UBAP1: variants seen among roughly 807,000 people sequenced by gnomAD.
UBAP1 encodes the protein ubiquitin associated protein 1.
UBAP1 carries 5 observed loss-of-function variants against 39.0 expected under a neutral mutation model. The ratio of observed to expected loss-of-function variants is 0.13; its 90% CI spans 0.07 to 0.27. The LOEUF (loss-of-function observed/expected upper bound fraction) is 0.27, where lower values mean the gene tolerates loss of function less well. Among genes scored for constraint, UBAP1 ranks in the 10% least tolerant of loss-of-function variants. UBAP1 has a pLI of 1.00. For missense variants in UBAP1, 490 were observed against 608.1 expected, an observed-to-expected ratio of 0.81 and a Z score of 2.04; for synonymous variants, 211 against 225.1, an observed-to-expected ratio of 0.94 and a Z score of 0.56.
At chr9:34,237,010 T>G (rs1191882005) in intron 3 of UBAP1, among the ~76,000 whole-genome samples, 2 of 152,128 alleles carry the variant, frequency 1.3e-5, no homozygotes, top group Non-Finnish European at 2.9e-5. Flanking sequence ...ACCTGGAATA[T>G]TCTTTTTCTC....
At chr9:34,207,051 T>TTC (rs1554648143) in intron 1 of UBAP1, among the ~76,000 whole-genome samples, 1 of 141,490 alleles carries the variant, frequency 7.1e-6, no homozygotes, top group East Asian at 2.0e-4. Context: ...GTTATTTCTT[T>TTC]TTTTTTTTTT....
At chr9:34,205,960 C>G (rs1831663848) in intron 1 of UBAP1, among the ~76,000 whole-genome samples, 1 of 152,188 alleles carries the variant, frequency 6.6e-6, no homozygotes, top group Non-Finnish European at 1.5e-5. Context: ...CCACTGCACT[C>G]CAGCCTGGTG....
At chr9:34,187,761 T>C (rs1199666463) in intron 1 of UBAP1, among the ~76,000 whole-genome samples, 2 of 151,756 alleles carry the variant, frequency 1.3e-5, no homozygotes, top group African/African-American at 2.4e-5. Context: ...TCCTATCTTA[T>C]CAAGAATAAT....
Position 34,230,440 on chromosome 9 carries a change from A to T in UBAP1, c.35-3776A>T, listed in dbSNP as rs116552838. ...TGTGCTTATTAGTGTTAAACAAAAG[A>T]CTTAATTGTGTGCTTGTTAACTTGA... On this transcript the variant is annotated intron_variant, in intron 2 of 6. Coordinates refer to ENST00000297661, the MANE Select transcript of UBAP1 (RefSeq NM_016525.5). Among the ~76,000 whole-genome samples, 1,337 of 152,284 alleles carry T rather than the reference A, an allele frequency of 8.8e-3. 25 individuals carry two copies. Among genetic ancestry groups the T allele is most frequent in the African/African-American group, 0.026 (1,080 of 41,538 alleles).
At chr9:34,227,558 A>G (rs2131594608) in intron 2 of UBAP1, among the ~76,000 whole-genome samples, 1 of 152,334 alleles carries the variant, frequency 6.6e-6, no homozygotes, top group East Asian at 1.9e-4. Flanking sequence ...GCAGAATCAT[A>G]GGCATATCAG....
chr9:34,234,170 TAATG>T (rs1319148654), intron 2 of UBAP1, 42 bp from the exon 3 acceptor site: 2 of 1,562,300 alleles, frequency 1.3e-6, no homozygotes, highest in South Asian at 1.2e-5. Context: ...GCAAAACAAA[TAATG>T]AAGTTCTTTG....
chr9:34,190,212 C>T (rs571451071), intron 1 of UBAP1, among the ~76,000 whole-genome samples: 134 of 152,262 alleles, frequency 8.8e-4, no homozygotes, highest in African/African-American at 3.0e-3. Flanking sequence ...AAATCTTAAA[C>T]AAAAATCACG....
At chr9:34,222,621 G>A (rs755646439) in intron 2 of UBAP1, among the ~76,000 whole-genome samples, 2 of 151,880 alleles carry the variant, frequency 1.3e-5, no homozygotes, top group Non-Finnish European at 2.9e-5. Context: ...ATAGTGAGAC[G>A]CTGTCTCTAC....
At chr9:34,248,140 A>G (rs1834274091) in intron 4 of UBAP1, among the ~76,000 whole-genome samples, 1 of 151,416 alleles carries the variant, frequency 6.6e-6, no homozygotes, top group Non-Finnish European at 1.5e-5. Context: ...GGTTCAAGCG[A>G]TTTTCCCACC....
intron 2 of UBAP1, among the ~76,000 whole-genome samples, chr9:34,230,343 C>T (rs1833343483): frequency 6.6e-6 from 1 of 152,276 alleles, no homozygotes; most frequent in Admixed American, 6.5e-5. Flanking sequence ...GGATTACAGG[C>T]GTGAGCTGCC....
intron 2 of UBAP1, among the ~76,000 whole-genome samples, chr9:34,225,016 A>G (rs1587852556): frequency 1.3e-5 from 2 of 152,174 alleles, no homozygotes; most frequent in African/African-American, 4.8e-5. Context: ...GGCTAGCATC[A>G]TAGAGATAGA....
chr9:34,242,069 G>A lies in UBAP1; in HGVS notation c.1044G>A (p.Val348=). The A allele has an allele frequency of 6.2e-7, 1 of 1,609,280 alleles. No homozygotes were observed. The highest frequency in any genetic ancestry group is 8.5e-7 in the Non-Finnish European group (1 of 1,175,944). The stretch of plus-strand genomic sequence containing the variant: ...TGCCTTCCCTCTCTGTTTTGTCTGT[G>A]TGCACAGAGGAATCATCACCTCCAA... ...SQMPSLSVLS[V]CTEESSPPNT... The change falls in exon 4 of 7, where the codon GTG becomes GTA. Residue 348 remains valine, a synonymous_variant. Coordinates refer to ENST00000297661, the MANE Select transcript of UBAP1 (RefSeq NM_016525.5).
chr9:34,242,731 C>G (rs1587882089), intron 4 of UBAP1, among the ~76,000 whole-genome samples: 1 of 152,108 alleles, frequency 6.6e-6, no homozygotes, highest in Non-Finnish European at 1.5e-5. Flanking sequence ...TACCACGTTT[C>G]CGAGGCTGGT....
rs562622562 is a variant in UBAP1, at chr9:34,237,406, G to T, written c.159+3066G>T. On this transcript the variant is annotated intron_variant, in intron 3 of 6. Coordinates refer to ENST00000297661, the MANE Select transcript of UBAP1 (RefSeq NM_016525.5). Reference sequence around the variant, plus strand: ...TTTTGTTTTTCTGGAATTCACTAAGGCATCACCATTTTATTCTAAAAGGTA... The same window carrying T: ...TTTTGTTTTTCTGGAATTCACTAAGTCATCACCATTTTATTCTAAAAGGTA... 1.2e-4 allele frequency among the ~76,000 whole-genome samples: 19 copies of T among 152,048 alleles called. 1 individual carries two copies. The South Asian group carries it at 2.7e-3, about 22-fold the overall frequency.
chr9:34,214,161 AAAC>A (rs1173099142), intron 1 of UBAP1, among the ~76,000 whole-genome samples: 6 of 152,344 alleles, frequency 3.9e-5, no homozygotes, highest in East Asian at 1.9e-4. Flanking sequence ...ACAGAATTAG[AAAC>A]AACATTTCTA....
intron 1 of UBAP1, among the ~76,000 whole-genome samples, chr9:34,204,837 A>G (rs1209994127): frequency 6.6e-6 from 1 of 151,918 alleles, no homozygotes; most frequent in African/African-American, 2.4e-5. Context: ...TGTTGACATT[A>G]TTTTTTTGCC....
intron 1 of UBAP1, among the ~76,000 whole-genome samples, chr9:34,193,776 C>A (rs1216025783): frequency 6.6e-6 from 1 of 152,110 alleles, no homozygotes; most frequent in Non-Finnish European, 1.5e-5. Context: ...CCAGGAACCT[C>A]CAGGTGTTCA....
At chr9:34,207,501 C>G (rs1306947858) in intron 1 of UBAP1, among the ~76,000 whole-genome samples, 1 of 151,504 alleles carries the variant, frequency 6.6e-6, no homozygotes, top group African/African-American at 2.4e-5. Context: ...ATATCCCGCT[C>G]AAGAGTATTG....
chr9:34,241,254 C>T lies in UBAP1; in HGVS notation c.229C>T (p.Arg77Trp), dbSNP rs1833937568. ...GATTAAGAAAATCGAAGAAGCCGAG[C>T]GGGAAGCAGAGTGCAAAATTGCGGA... is the stretch of plus-strand genomic sequence containing the variant. ...EEIKKIEEAE[R>W]EAECKIAEAE... The change falls in exon 4 of 7, where the codon CGG (arginine) becomes TGG (tryptophan). Residue 77 changes from arginine (R) to tryptophan (W), a missense_variant. Physicochemically the swap from Arg to Trp is moderately radical, Grantham distance 101 (BLOSUM62 -3). This residue lies in a region of UBAP1 where 144 missense variants were observed against 184.4 expected (regional missense o/e 0.78). Coordinates refer to ENST00000297661, the MANE Select transcript of UBAP1 (RefSeq NM_016525.5). The T allele has an allele frequency of 4.7e-6, 7 of 1,500,536 alleles. No homozygotes were observed. The highest frequency in any genetic ancestry group is 2.8e-5 in the African/African-American group (2 of 71,544). The allele number at this position is 1,500,536 out of a possible 1,614,324, so 93.0% of individuals were successfully genotyped here.
Sources: allele counts gnomAD v4.1 joint callset (sites outside exome capture counted in the v4.1 genomes callset), GRCh38; gene constraint gnomAD v4.1.1; regional missense constraint gnomAD v4.1.1; transcripts MANE v1.5; gene names NCBI Gene and HGNC (gene_info 2026-07-23, HGNC 2026-07-21).